SLC47A2: variants seen among roughly 807,000 people sequenced by gnomAD.
The protein encoded by SLC47A2 is multidrug and toxin extrusion protein 2.
In SLC47A2, 52 loss-of-function variants were observed where a neutral mutation model predicts 67.7. The observed-to-expected ratio is 0.77, with a 90% CI of 0.61 to 0.97. The LOEUF (loss-of-function observed/expected upper bound fraction) is 0.97. Among genes scored for constraint, SLC47A2 ranks in the 50% least tolerant of loss-of-function variants. The probability of loss-of-function intolerance (pLI) is 0.00; values close to 1 mark genes in which losing one functional copy is unlikely to be tolerated. For missense variants in SLC47A2, 676 were observed against 712.3 expected, an observed-to-expected ratio of 0.95 and a Z score of 0.58; for synonymous variants, 278 against 292.9, an observed-to-expected ratio of 0.95 and a Z score of 0.52.
intron 16 of SLC47A2, 36 bp from the exon 17 acceptor site, chr17:19,678,942 G>A: frequency 6.5e-7 from 1 of 1,537,120 alleles, no homozygotes; most frequent in South Asian, 1.2e-5. Flanking sequence ...CAGCAGGTCA[G>A]GGGTCAGAGG....
In SLC47A2 at chr17:19,713,990, C is replaced by A; in HGVS notation, c.295-17G>T. ...GCCGAAGCTCTGCAAAACAGCCCGC[C>A]CCGCGTCAGCCGTTTCCACTGCCCG... On this transcript the variant is annotated splice_polypyrimidine_tract_variant and intron_variant, in intron 3 of 16. Transcript: ENST00000433844. 1 of 1,606,584 alleles carries A rather than the reference C, an allele frequency of 6.2e-7. No individual in the cohort carries two copies. Among genetic ancestry groups the A allele is most frequent in the South Asian group, 1.1e-5 (1 of 90,516 alleles).
chr17:19,704,221 C>G, intron 10 of SLC47A2, 43 bp from the exon 11 acceptor site: 1 of 1,536,020 alleles, frequency 6.5e-7, no homozygotes, highest in Admixed American at 1.8e-5. Context: ...GGCCCACCCT[C>G]CAACCCCTGA....
At position 19,703,186 on chromosome 17, in the gene SLC47A2, G is replaced by A. The variant is rs2085834174; in HGVS notation, c.1019-19C>T. The A allele has an allele frequency of 3.1e-6, 5 of 1,612,798 alleles. No homozygotes were observed. Among genetic ancestry groups the A allele is most frequent in the Non-Finnish European group, 4.2e-6 (5 of 1,178,972 alleles). ...ATGCCAACTGGAAGAGACAAAAGGT[G>A]CAGCAATGACAGACCCCAAGCCAGG... is the stretch of plus-strand genomic sequence containing the variant. On this transcript the variant is annotated intron_variant, in intron 11 of 16. Coordinates refer to ENST00000433844, the MANE Select transcript of SLC47A2 (RefSeq NM_001099646.3).
At position 19,714,034 on chromosome 17, in the gene SLC47A2, C is replaced by A. The variant is rs2086181753; in HGVS notation, c.295-61G>T. 5.1e-6 allele frequency: 8 copies of A among 1,553,810 alleles called. No individual in the cohort carries two copies. In the Admixed American group the frequency reaches 7.2e-5, roughly 14 times the overall value. ...CTGCCCGGGACATTCCTAAATCCCG[C>A]GCGGGGAGCGGGCTGTCAGCGGCGC... On this transcript the variant is annotated intron_variant, in intron 3 of 16. Coordinates refer to ENST00000433844, the MANE Select transcript of SLC47A2 (RefSeq NM_001099646.3).
chr17:19,700,493 G>A (rs1042858906), intron 13 of SLC47A2, among the ~76,000 whole-genome samples: 3 of 152,190 alleles, frequency 2.0e-5, no homozygotes, highest in African/African-American at 7.2e-5. Context: ...CAGGTGCCAT[G>A]GCTTATGCCT....
At chr17:19,707,481 C>G (rs965950149) in intron 8 of SLC47A2, among the ~76,000 whole-genome samples, 5 of 152,214 alleles carry the variant, frequency 3.3e-5, no homozygotes, top group Admixed American at 2.0e-4. Flanking sequence ...CACCGCCATC[C>G]TGAGAGCAGA....
At chr17:19,698,140 C>T (rs149152857) in intron 13 of SLC47A2, among the ~76,000 whole-genome samples, 5 of 152,178 alleles carry the variant, frequency 3.3e-5, no homozygotes, top group South Asian at 2.1e-4. Flanking sequence ...AGACTCAAAA[C>T]GCAACATTTA....
intron 13 of SLC47A2, among the ~76,000 whole-genome samples, chr17:19,694,700 G>C (rs968523914): frequency 6.6e-6 from 1 of 151,964 alleles, no homozygotes; most frequent in Non-Finnish European, 1.5e-5. Flanking sequence ...GGTGGATCAC[G>C]AGGTCAGGAA....
At chr17:19,708,639 A>T in intron 6 of SLC47A2, 77 bp downstream of exon 6, 1 of 1,600,598 alleles carries the variant, frequency 6.2e-7, no homozygotes, top group South Asian at 1.1e-5. Flanking sequence ...GAGAAGGGGA[A>T]AGCCCCAGGC....
In SLC47A2 at chr17:19,708,393, T is replaced by C; in HGVS notation, c.538A>G (p.Thr180Ala). The change falls in exon 7 of 17, where the codon ACC (threonine) becomes GCC (alanine). Residue 180 changes from threonine to alanine, a missense_variant. Transcript: ENST00000433844. ...ACACCACTGAGGACTTGGGGCCAGG[T>C]GATCTTCTGAAATAAATGAAAACTG... ...LAKYLQNQKI[T>A]WPQVLSGVVG... 1 of 1,614,060 alleles carries C rather than the reference T, an allele frequency of 6.2e-7. No homozygotes were observed. The highest frequency in any genetic ancestry group is 8.5e-7 in the Non-Finnish European group (1 of 1,180,026).
intron 13 of SLC47A2, chr17:19,702,235 C>G: frequency 1.0e-6 from 1 of 985,354 alleles, no homozygotes; most frequent in Non-Finnish European, 1.2e-6. Context: ...AGAAATGTCC[C>G]TCTGTGCTGG....
intron 13 of SLC47A2, among the ~76,000 whole-genome samples, chr17:19,684,083 A>G (rs1845322299): frequency 6.6e-6 from 1 of 152,096 alleles, no homozygotes; most frequent in South Asian, 2.1e-4. Flanking sequence ...TAAACTTAAA[A>G]CAATCTTTTT....
At chr17:19,706,583 G>A in intron 9 of SLC47A2, 65 bp downstream of exon 9, 2 of 1,356,464 alleles carry the variant, frequency 1.5e-6, no homozygotes, top group Non-Finnish European at 2.0e-6. Context: ...CCATCCTGGG[G>A]AGGGGGCTTC....
rs377518408 is a variant in SLC47A2 at position 19,685,138 on chromosome 17, A to G, written c.1165-3468T>C. Among the ~76,000 whole-genome samples the G allele has an allele frequency of 6.6e-6, 1 of 152,066 alleles. No individual in the cohort carries two copies. The highest frequency in any genetic ancestry group is 1.9e-4 in the East Asian group (1 of 5,164). ...TGGGATTGCAGACGGAGTCTCGCTCACTCAATGCTCAATGTTGCCCAGGCT... is the reference window on the plus strand; with the variant it reads ...TGGGATTGCAGACGGAGTCTCGCTCGCTCAATGCTCAATGTTGCCCAGGCT... On this transcript the variant is annotated intron_variant, in intron 13 of 16. Transcript: ENST00000433844. This position sits in a 1 kb window ranked among gnomAD's most constrained non-coding sequence, Gnocchi z 4.5.
chr17:19,716,233 A>T, intron 1 of SLC47A2, 200 bp downstream of exon 1: 1 of 803,762 alleles, frequency 1.2e-6, no homozygotes, highest in Non-Finnish European at 1.9e-6. Flanking sequence ...GAGCAAAGTC[A>T]GGCCCCACTG....
intron 8 of SLC47A2, 115 bp from the exon 9 acceptor site, chr17:19,706,876 C>A: frequency 1.4e-6 from 1 of 706,494 alleles, no homozygotes; most frequent in South Asian, 1.8e-5. Flanking sequence ...TGGGGCTTAG[C>A]AGGCTCAGGC....
In SLC47A2 at chr17:19,678,626, C is replaced by G; in HGVS notation, c.*60G>C. ...CCATTGGTGTTTTTGCAGGGCAGAC[C>G]GTGGTGTGTTTGCATACTGGGGACA... is the stretch of plus-strand genomic sequence containing the variant. On this transcript the variant is annotated 3_prime_UTR_variant, in exon 17 of 17. Transcript: ENST00000433844. The G allele has an allele frequency of 6.4e-7, 1 of 1,551,104 alleles. No homozygotes were observed. Among genetic ancestry groups the G allele is most frequent in the Non-Finnish European group, 8.9e-7 (1 of 1,126,488 alleles).
chr17:19,704,255 G>C, intron 10 of SLC47A2, 77 bp from the exon 11 acceptor site: 1 of 1,201,190 alleles, frequency 8.3e-7, no homozygotes, highest in Non-Finnish European at 1.2e-6. Context: ...CCTGGGCCAA[G>C]AGGGACGTGA....
In SLC47A2 at chr17:19,681,550, T is replaced by G; in HGVS notation, c.1285A>C (p.Met429Leu). ...LGILLTFVVR[M>L]RIMGLWLGML... is the part of the protein sequence containing the mutation. ...TCACACCACATACCCATGATTCTCA[T>G]TCTGACCACAAAGGTCAGAAGGATG... Residue 429 changes from methionine (M) to leucine (L), a missense_variant, in exon 14 of 17, where the codon ATG (methionine) becomes CTG (leucine). Coordinates refer to ENST00000433844, the MANE Select transcript of SLC47A2 (RefSeq NM_001099646.3). The G allele has an allele frequency of 6.2e-7, 1 of 1,614,192 alleles. No individual in the cohort carries two copies. The highest frequency in any genetic ancestry group is 8.5e-7 in the Non-Finnish European group (1 of 1,180,030).
Sources: gnomAD v4.1 joint callset for allele counts (sites outside exome capture counted in the v4.1 genomes callset) on GRCh38, gnomAD v4.1.1 for gene constraint, Gnocchi (gnomAD v3.1) non-coding constraint, MANE v1.5 for transcripts, NCBI Gene and HGNC (gene_info 2026-07-23, HGNC 2026-07-21) for gene names.